SGSM1: variants seen among roughly 807,000 people sequenced by gnomAD.
SGSM1 encodes the protein RUN and TBC1 domain containing 2.
SGSM1 carries 73 observed loss-of-function variants against 133.8 expected under a neutral mutation model. That is an observed-to-expected ratio of 0.55 (90% CI 0.45 to 0.66). The LOEUF (loss-of-function observed/expected upper bound fraction) is 0.66. Ranked by LOEUF, SGSM1 falls within the 30% of genes least tolerant of loss-of-function variation. The probability of loss-of-function intolerance (pLI) is 0.00; values close to 1 mark genes in which losing one functional copy is unlikely to be tolerated. For synonymous variants in SGSM1, 563 were observed against 573.0 expected (o/e 0.98, Z 0.25); for missense variants, 1,213 against 1,448.1 (o/e 0.84, Z 2.64).
chr22:24,861,956 CTTT>C (rs551010251), intron 9 of SGSM1, among the ~76,000 whole-genome samples: 6 of 116,494 alleles, frequency 5.2e-5, no homozygotes, highest in Admixed American at 1.6e-4. Flanking sequence ...TTCTTTCTTT[CTTT>C]TTTTTTTTTT....
chr22:24,859,462 G>A (rs148464005), intron 8 of SGSM1, among the ~76,000 whole-genome samples: 90 of 152,326 alleles, frequency 5.9e-4, no homozygotes, highest in African/African-American at 2.1e-3. Context: ...GGAAGTCAGA[G>A]TGTGAAAGTG....
At chr22:24,897,680 G>A (rs1409323481) in intron 18 of SGSM1, among the ~76,000 whole-genome samples, 2 of 152,190 alleles carry the variant, frequency 1.3e-5, no homozygotes, top group Non-Finnish European at 2.9e-5. Flanking sequence ...TGTTGCCCAG[G>A]CTGGTGTCAA....
At chr22:24,822,610 C>G (rs568770516) in intron 2 of SGSM1, among the ~76,000 whole-genome samples, 107 of 152,324 alleles carry the variant, frequency 7.0e-4, no homozygotes, top group African/African-American at 2.4e-3. Flanking sequence ...CCAGGTGGTG[C>G]TGGGCATGCA....
intron 22 of SGSM1, among the ~76,000 whole-genome samples, chr22:24,914,766 C>T (rs1275455761): frequency 6.6e-6 from 1 of 152,142 alleles, no homozygotes; most frequent in Non-Finnish European, 1.5e-5. Flanking sequence ...AACCACGGGG[C>T]AGTTGATTCC....
intron 2 of SGSM1, among the ~76,000 whole-genome samples, chr22:24,836,574 A>C (rs1601905852): frequency 6.6e-6 from 1 of 152,350 alleles, no homozygotes. Flanking sequence ...TGATCATTGC[A>C]CAAGGGTTCC....
intron 20 of SGSM1, among the ~76,000 whole-genome samples, chr22:24,902,869 A>G (rs1902812558): frequency 6.6e-6 from 1 of 152,124 alleles, no homozygotes; most frequent in African/African-American, 2.4e-5. Flanking sequence ...ACAAGACCCC[A>G]TCTCTACAAA....
intron 2 of SGSM1, 58 bp downstream of exon 2, chr22:24,806,542 G>T: frequency 6.8e-7 from 1 of 1,479,430 alleles, no homozygotes; most frequent in Non-Finnish European, 9.0e-7. Flanking sequence ...GGCCAAACGG[G>T]AAAAGAGTCT....
intron 20 of SGSM1, among the ~76,000 whole-genome samples, chr22:24,903,980 AG>A (rs1363190823): frequency 0.18 from 15,138 of 86,164 alleles, 799 homozygotes; most frequent in East Asian, 0.31. Flanking sequence ...CTCAACAAAA[AG>A]AAAAAAAAAA....
intron 23 of SGSM1, among the ~76,000 whole-genome samples, 182 bp from the exon 24 acceptor site, chr22:24,919,644 G>A (rs1933936837): frequency 6.6e-6 from 1 of 152,158 alleles, no homozygotes; most frequent in Non-Finnish European, 1.5e-5. Context: ...GAGGTTTCTG[G>A]TGGTCAAATG....
Position 24,876,568 on chromosome 22 carries a change from C to T in SGSM1, c.1292-9C>T, listed in dbSNP as rs1932033386. On this transcript the variant is annotated splice_polypyrimidine_tract_variant and intron_variant, in intron 12 of 24. Transcript: ENST00000400358. The stretch of plus-strand genomic sequence containing the variant: ...GTGATTCTTCTGCCCCTCCTTCTAT[C>T]CACCACAGTGCCCCAGGATCTGATG... 1.9e-6 allele frequency: 3 copies of T among 1,613,878 alleles called. No individual in the cohort carries two copies. The South Asian group carries it at 3.3e-5, about 18-fold the overall frequency.
chr22:24,898,800 G>A (rs1299520602), intron 19 of SGSM1, among the ~76,000 whole-genome samples: 1 of 151,918 alleles, frequency 6.6e-6, no homozygotes, highest in Non-Finnish European at 1.5e-5. Context: ...GGCTGAGGGG[G>A]GTGGATCACG....
intron 2 of SGSM1, among the ~76,000 whole-genome samples, chr22:24,817,009 G>A (rs1241318382): frequency 6.6e-6 from 1 of 152,202 alleles, no homozygotes; most frequent in Non-Finnish European, 1.5e-5. Context: ...TTGGTCATGG[G>A]GGGGTGAGGG....
At chr22:24,817,928 C>T (rs1928205462) in intron 2 of SGSM1, among the ~76,000 whole-genome samples, 1 of 152,050 alleles carries the variant, frequency 6.6e-6, no homozygotes. Context: ...TTTGGGGTCT[C>T]TTTTATAAGA....
chr22:24,879,762 C>T (rs754626955), intron 14 of SGSM1, among the ~76,000 whole-genome samples: 1 of 152,160 alleles, frequency 6.6e-6, no homozygotes, highest in Non-Finnish European at 1.5e-5. Flanking sequence ...GTGGGGTCCC[C>T]TGGGGACAGA....
chr22:24,855,719 T>C, intron 8 of SGSM1, 39 bp downstream of exon 8: 1 of 1,613,792 alleles, frequency 6.2e-7, no homozygotes, highest in Non-Finnish European at 8.5e-7. Flanking sequence ...GCACTGAGGG[T>C]CTCACTCCAG....
intron 20 of SGSM1, among the ~76,000 whole-genome samples, chr22:24,902,272 G>A (rs143208352): frequency 6.6e-6 from 1 of 152,300 alleles, no homozygotes; most frequent in East Asian, 1.9e-4. Context: ...AGTGGGCATC[G>A]GGCAGTGGCT....
In SGSM1 at chr22:24,886,724, A is replaced by G. The variant is rs1932629327; in HGVS notation, c.1766A>G (p.Lys589Arg). The change falls in exon 16 of 25, where the codon AAA becomes AGA. Residue 589 changes from lysine (K) to arginine (R), a missense_variant. Transcript: ENST00000400358. ...TTCGGGATGACGGAAACAGAAAGGA[A>G]AGAGGTCGGTTACCTGCCATGGGCA... ...YQFGMTETER[K>R]EVDEQIHACY... is the part of the protein sequence containing the mutation. The G allele has an allele frequency of 6.3e-7, 1 of 1,585,488 alleles. No individual in the cohort carries two copies. Among genetic ancestry groups the G allele is most frequent in the African/African-American group, 1.3e-5 (1 of 74,448 alleles).
Position 24,917,762 on chromosome 22 carries a change from CT to C in SGSM1, c.3025+11del, listed in dbSNP as rs1933870401. On this transcript the variant is annotated intron_variant, in intron 23 of 24. Transcript: ENST00000400358. ...TGCTGGATTTCAAGCGAGGTACAGA[CT>C]TTAAATTGGGGACCTGTGTCCAGAC... The C allele has an allele frequency of 6.2e-7, 1 of 1,610,776 alleles. No individual in the cohort carries two copies. Among genetic ancestry groups the C allele is most frequent in the Non-Finnish European group, 8.5e-7 (1 of 1,177,582 alleles).
At chr22:24,841,706 A>G (rs749542958) in intron 2 of SGSM1, among the ~76,000 whole-genome samples, 1 of 152,236 alleles carries the variant, frequency 6.6e-6, no homozygotes, top group Non-Finnish European at 1.5e-5. Flanking sequence ...ATCTGAGAAC[A>G]TTTTGAAGGT....
Sources: gnomAD v4.1 joint callset for allele counts (sites outside exome capture counted in the v4.1 genomes callset) on GRCh38, gnomAD v4.1.1 for gene constraint, MANE v1.5 for transcripts, NCBI Gene and HGNC (gene_info 2026-07-23, HGNC 2026-07-21) for gene names.